The following RBPMS variants were observed in gnomAD, a reference collection of about 807,000 sequenced individuals.
RBPMS encodes the protein RNA-binding protein with multiple splicing.
A neutral mutation model predicts 26.8 loss-of-function variants in RBPMS; 7 were observed. The ratio of observed to expected loss-of-function variants is 0.26; its 90% CI spans 0.15 to 0.49. The LOEUF (loss-of-function observed/expected upper bound fraction) is 0.49. RBPMS is among the 20% of genes least tolerant of loss of function. The pLI is 0.98. For synonymous variants in RBPMS, 96 were observed against 93.3 expected (o/e 1.03, Z -0.17); for missense variants, 186 against 250.0 (o/e 0.74, Z 1.73).
intron 6 of RBPMS, among the ~76,000 whole-genome samples, chr8:30,557,897 A>C (rs1049596398): frequency 6.6e-6 from 1 of 152,138 alleles, no homozygotes; most frequent in South Asian, 2.1e-4. Context: ...TGAGATTTTC[A>C]TTCATTGCCC....
At chr8:30,478,007 A>G (rs1817878439) in intron 3 of RBPMS, among the ~76,000 whole-genome samples, 170 bp downstream of exon 3, 1 of 152,256 alleles carries the variant, frequency 6.6e-6, no homozygotes, top group Non-Finnish European at 1.5e-5. Context: ...TCATAATTCT[A>G]TAATCTTCAG....
chr8:30,493,523 T>C (rs1031751057), intron 4 of RBPMS, among the ~76,000 whole-genome samples: 9 of 151,940 alleles, frequency 5.9e-5, no homozygotes, highest in Non-Finnish European at 1.2e-4. Context: ...CTGCTTTACC[T>C]TCTGTTCACC....
intron 8 of RBPMS, among the ~76,000 whole-genome samples, chr8:30,569,056 C>T (rs1044544394): frequency 1.3e-5 from 2 of 151,780 alleles, no homozygotes; most frequent in African/African-American, 4.9e-5. Flanking sequence ...GTTCATTACC[C>T]AGGAAAGCTG....
intron 3 of RBPMS, 102 bp downstream of exon 3, chr8:30,477,939 G>T (rs959342786): frequency 4.0e-5 from 32 of 796,628 alleles, no homozygotes; most frequent in Admixed American, 9.9e-5. Flanking sequence ...AATTTGAGGG[G>T]TTTTTTGTCT....
At chr8:30,542,222 G>A (rs1431585862) in intron 5 of RBPMS, among the ~76,000 whole-genome samples, 1 of 152,146 alleles carries the variant, frequency 6.6e-6, no homozygotes, top group African/African-American at 2.4e-5. Context: ...TGGGTTTTGT[G>A]CAAATATCAA....
intron 5 of RBPMS, among the ~76,000 whole-genome samples, chr8:30,535,627 A>G (rs1376333580): frequency 1.3e-5 from 2 of 152,196 alleles, no homozygotes. Context: ...GGGTGTCACT[A>G]TGTTTGCCTA....
intron 5 of RBPMS, among the ~76,000 whole-genome samples, chr8:30,510,858 C>T (rs930676177): frequency 2.6e-5 from 4 of 151,954 alleles, no homozygotes; most frequent in African/African-American, 9.7e-5. Context: ...CAGGTGTGAG[C>T]CATGACTCAC....
rs1025854765 is a variant in RBPMS at position 30,556,124 on chromosome 8, C to T, written c.529-2763C>T. 4 of 985,216 alleles carry T rather than the reference C, an allele frequency of 4.1e-6. No homozygotes were observed. The African/African-American group carries it at 5.2e-5, about 13-fold the overall frequency. 61.0% of individuals were successfully genotyped at this position (985,216 alleles called of 1,614,324 possible). ...AGAAGAGCCCCCCACTTGGCAAGCA[C>T]ATAGTGTCCTAGCCTGAGACACAAG... On this transcript the variant is annotated intron_variant, in intron 6 of 8. Transcript: ENST00000397323.
chr8:30,437,842 CCAGCT>C (rs1405085753), intron 1 of RBPMS, among the ~76,000 whole-genome samples: 3 of 150,906 alleles, frequency 2.0e-5, no homozygotes, highest in African/African-American at 7.3e-5. Context: ...GCCTGTAATC[CCAGCT>C]ACTCAGGAGA....
At chr8:30,390,487 C>T (rs1430977192) in intron 1 of RBPMS, among the ~76,000 whole-genome samples, 1 of 152,288 alleles carries the variant, frequency 6.6e-6, no homozygotes, top group East Asian at 1.9e-4. Flanking sequence ...TCCACAAAGT[C>T]AAGTGCGCAC....
chr8:30,451,642 A>AT (rs1453170443), intron 1 of RBPMS, among the ~76,000 whole-genome samples: 1 of 152,060 alleles, frequency 6.6e-6, no homozygotes, highest in Non-Finnish European at 1.5e-5. Flanking sequence ...CATTTTACTG[A>AT]TTTTTTTCCC....
At chr8:30,442,131 T>C (rs1234348184) in intron 1 of RBPMS, among the ~76,000 whole-genome samples, 1 of 152,148 alleles carries the variant, frequency 6.6e-6, no homozygotes, top group African/African-American at 2.4e-5. Context: ...CTTGCTATGT[T>C]GTCCAGGCTG....
chr8:30,553,137 A>C (rs1283278866), intron 6 of RBPMS: 1 of 152,294 alleles, frequency 6.6e-6, no homozygotes, highest in Non-Finnish European at 1.5e-5. Flanking sequence ...ATTAGGTGCC[A>C]GACAGGTAGT....
chr8:30,453,918 T>G (rs1162173616), intron 1 of RBPMS: 1 of 152,226 alleles, frequency 6.6e-6, no homozygotes, highest in Non-Finnish European at 1.5e-5. Flanking sequence ...GTATTGCTTA[T>G]TAAAAATTCA....
intron 1 of RBPMS, among the ~76,000 whole-genome samples, chr8:30,451,029 GC>G (rs1437863204): frequency 1.3e-5 from 2 of 152,158 alleles, no homozygotes; most frequent in East Asian, 3.9e-4. Context: ...TCCTTGAAAA[GC>G]CCTGGAGGTA....
intron 1 of RBPMS, among the ~76,000 whole-genome samples, chr8:30,448,304 T>G (rs779271329): frequency 5.9e-5 from 9 of 152,238 alleles, no homozygotes; most frequent in Non-Finnish European, 1.0e-4. Context: ...GGTCTTCCTG[T>G]GTGCATATTT....
chr8:30,451,960 C>T lies in RBPMS; in HGVS notation c.67-22819C>T, dbSNP rs377277656. ...TCATTTCAGGTGTCCCTCAGAAAGA[C>T]GTCACATCCATAGATGGCACCTTTT... On this transcript the variant is annotated intron_variant, in intron 1 of 8. Transcript: ENST00000397323. Among the ~76,000 whole-genome samples, 9 of 152,248 alleles carry T rather than the reference C, an allele frequency of 5.9e-5. No homozygotes were observed. The East Asian group carries it at 9.7e-4, about 16-fold the overall frequency.
intron 1 of RBPMS, among the ~76,000 whole-genome samples, chr8:30,441,002 TTTTAA>T (rs1370286557): frequency 6.9e-6 from 1 of 144,260 alleles, no homozygotes; most frequent in Non-Finnish European, 1.5e-5. Context: ...TTTGTTTGGC[TTTTAA>T]TTTTTTTGTA....
chr8:30,558,990 C>T (rs1827221337), intron 7 of RBPMS, 34 bp downstream of exon 7: 1 of 1,574,326 alleles, frequency 6.4e-7, no homozygotes, highest in South Asian at 1.1e-5. Flanking sequence ...ATGTGCGAAG[C>T]CCCTAGAACA....
Sources: allele counts gnomAD v4.1 joint callset (sites outside exome capture counted in the v4.1 genomes callset), GRCh38; gene constraint gnomAD v4.1.1; transcripts MANE v1.5; gene names NCBI Gene and HGNC (gene_info 2026-07-23, HGNC 2026-07-21).